Variants in FMNL2 observed in about 807,000 individuals in gnomAD.
The protein encoded by FMNL2 is formin-like protein 2.
In FMNL2, 51 loss-of-function variants were observed where a neutral mutation model predicts 130.2. That is an observed-to-expected ratio of 0.39 (90% CI 0.31 to 0.49). The LOEUF (loss-of-function observed/expected upper bound fraction) is 0.49, where lower values mean the gene tolerates loss of function less well. FMNL2 is among the 20% of genes least tolerant of loss of function. The probability of loss-of-function intolerance (pLI) is 0.85; values close to 1 mark genes in which losing one functional copy is unlikely to be tolerated. For missense variants in FMNL2, 977 were observed against 1,316.2 expected, an observed-to-expected ratio of 0.74 and a Z score of 3.99; for synonymous variants, 465 against 467.1, an observed-to-expected ratio of 1.00 and a Z score of 0.06.
At chr2:152,422,524 G>T (rs1372900481) in intron 1 of FMNL2, among the ~76,000 whole-genome samples, 3 of 151,886 alleles carry the variant, frequency 2.0e-5, no homozygotes, top group South Asian at 2.1e-4. Flanking sequence ...TGATTTTTTT[G>T]TGGGGGAGTT....
intron 1 of FMNL2, among the ~76,000 whole-genome samples, chr2:152,353,705 C>T (rs1421438542): frequency 2.0e-5 from 3 of 152,194 alleles, no homozygotes; most frequent in African/African-American, 4.8e-5. Flanking sequence ...TTGCTTAGTA[C>T]AGTCAAGTTG....
intron 9 of FMNL2, among the ~76,000 whole-genome samples, chr2:152,591,465 C>CT (rs946693814): frequency 1.5e-4 from 23 of 152,226 alleles, no homozygotes; most frequent in Admixed American, 1.2e-3. Flanking sequence ...AGCAAATATA[C>CT]TTTTTACAGT....
intron 1 of FMNL2, among the ~76,000 whole-genome samples, chr2:152,351,742 T>C (rs1351816672): frequency 6.6e-6 from 1 of 152,152 alleles, no homozygotes; most frequent in African/African-American, 2.4e-5. Flanking sequence ...GGTCAAATGG[T>C]ATTTCTGGTT....
chr2:152,608,172 A>G (rs900226839), intron 10 of FMNL2, among the ~76,000 whole-genome samples: 2 of 152,020 alleles, frequency 1.3e-5, no homozygotes, highest in African/African-American at 4.8e-5. Context: ...GCCCTAGGGA[A>G]ATTCTAGACC....
At chr2:152,450,148 A>G (rs541155272) in intron 1 of FMNL2, among the ~76,000 whole-genome samples, 22 of 152,378 alleles carry the variant, frequency 1.4e-4, no homozygotes, top group African/African-American at 4.6e-4. Flanking sequence ...TAAAAAAACA[A>G]TTAGACAAAT....
At position 152,564,971 on chromosome 2, in the gene FMNL2, C is replaced by T. The variant is rs150856026; in HGVS notation, c.596+3936C>T. ...CAGCTTGGCTAGAGGGAAACTGTTG[C>T]TATTGATGCAGTAGAGACCTGGTTT... is the stretch of plus-strand genomic sequence containing the variant. On this transcript the variant is annotated intron_variant, in intron 6 of 25. Coordinates refer to ENST00000288670, the MANE Select transcript of FMNL2 (RefSeq NM_052905.4). Among the ~76,000 whole-genome samples, 10 of 152,012 alleles carry T rather than the reference C, an allele frequency of 6.6e-5. No homozygotes were observed. The South Asian group carries it at 1.0e-3, about 16-fold the overall frequency.
intron 1 of FMNL2, among the ~76,000 whole-genome samples, chr2:152,358,632 A>G (rs1222458152): frequency 6.9e-6 from 1 of 144,116 alleles, no homozygotes; most frequent in Non-Finnish European, 1.5e-5. Context: ...GCAAGACTGC[A>G]TCTCAAAAAA....
At chr2:152,513,889 G>C (rs1692615661) in intron 1 of FMNL2, among the ~76,000 whole-genome samples, 1 of 152,124 alleles carries the variant, frequency 6.6e-6, no homozygotes. Flanking sequence ...TCACTTTGGG[G>C]AACTATTTGG....
At chr2:152,618,102 C>G (rs943047009) in intron 13 of FMNL2, among the ~76,000 whole-genome samples, 2 of 152,156 alleles carry the variant, frequency 1.3e-5, no homozygotes, top group East Asian at 3.9e-4. Flanking sequence ...CAAGGAAGTT[C>G]AGTTCCATAA....
At chr2:152,634,748 G>GTGT (rs1460141593) in intron 21 of FMNL2, among the ~76,000 whole-genome samples, 1 of 152,168 alleles carries the variant, frequency 6.6e-6, no homozygotes, top group African/African-American at 2.4e-5. Context: ...GTGCAGTTGG[G>GTGT]TGTTGTCGTG....
chr2:152,547,034 C>T (rs1694686836), intron 3 of FMNL2, among the ~76,000 whole-genome samples: 1 of 151,864 alleles, frequency 6.6e-6, no homozygotes, highest in Admixed American at 6.6e-5. Flanking sequence ...CAACCGCTGC[C>T]TCCCAGGTGC....
At chr2:152,616,940 C>G (rs1698985310) in intron 12 of FMNL2, 151 bp from the exon 13 acceptor site, 4 of 636,814 alleles carry the variant, frequency 6.3e-6, no homozygotes, top group Non-Finnish European at 1.1e-5. Flanking sequence ...TATTCAGAAC[C>G]ATATTATAAA....
intron 1 of FMNL2, among the ~76,000 whole-genome samples, chr2:152,518,781 A>G (rs912450151): frequency 3.9e-5 from 6 of 152,106 alleles, no homozygotes; most frequent in African/African-American, 1.4e-4. Flanking sequence ...ATTCACTTGA[A>G]CTGCTTAGTC....
intron 1 of FMNL2, among the ~76,000 whole-genome samples, chr2:152,404,065 T>C (rs1005498332): frequency 6.6e-6 from 1 of 152,222 alleles, no homozygotes; most frequent in African/African-American, 2.4e-5. Context: ...AGACTCCGTC[T>C]CAATAAATAA....
chr2:152,625,381 C>T lies in FMNL2; in HGVS notation c.1838-57C>T, dbSNP rs543893792. ...CTGCAAGGACTGTTGTCTGATTGTTCCTGAGGGTCGTAGGCTTTTGGTGGG... is the reference window on the plus strand; with the variant it reads ...CTGCAAGGACTGTTGTCTGATTGTTTCTGAGGGTCGTAGGCTTTTGGTGGG... On this transcript the variant is annotated intron_variant, in intron 15 of 25. Transcript: ENST00000288670. The T allele has an allele frequency of 3.4e-5, 53 of 1,562,082 alleles. No individual in the cohort carries two copies. In the African/African-American group the frequency reaches 6.3e-4, roughly 19 times the overall value.
At chr2:152,423,143 G>A (rs1453485721) in intron 1 of FMNL2, among the ~76,000 whole-genome samples, 1 of 152,030 alleles carries the variant, frequency 6.6e-6, no homozygotes, top group Non-Finnish European at 1.5e-5. Flanking sequence ...ATGTAAAATG[G>A]GATATCTTCC....
chr2:152,364,648 GC>G (rs1355719938), intron 1 of FMNL2, among the ~76,000 whole-genome samples: 4 of 152,130 alleles, frequency 2.6e-5, no homozygotes, highest in African/African-American at 4.8e-5. Context: ...GGTAAATTGT[GC>G]AACTGGCGAT....
intron 2 of FMNL2, among the ~76,000 whole-genome samples, chr2:152,524,043 T>C (rs1030865546): frequency 6.6e-6 from 1 of 152,230 alleles, no homozygotes; most frequent in Middle Eastern, 3.2e-3. Flanking sequence ...CACCTTCCTC[T>C]ACCTGTCAGT....
At position 152,485,467 on chromosome 2, in the gene FMNL2, C is replaced by T. The variant is rs553925568; in HGVS notation, c.118-36476C>T. 1.1e-4 allele frequency among the ~76,000 whole-genome samples: 17 copies of T among 152,204 alleles called. No homozygotes were observed. In the South Asian group the frequency reaches 1.7e-3, roughly 15 times the overall value. On this transcript the variant is annotated intron_variant, in intron 1 of 25. Transcript: ENST00000288670. ...ACTCGGGAGGCTGAAGTGGGAGGATCGCTTGAGCCCAGGAGGTTGAGCCGT... is the reference window on the plus strand; with the variant it reads ...ACTCGGGAGGCTGAAGTGGGAGGATTGCTTGAGCCCAGGAGGTTGAGCCGT...
Sources: allele counts gnomAD v4.1 joint callset (sites outside exome capture counted in the v4.1 genomes callset), GRCh38; gene constraint gnomAD v4.1.1; transcripts MANE v1.5; gene names NCBI Gene and HGNC (gene_info 2026-07-23, HGNC 2026-07-21).